The following PSPH variants were observed in gnomAD, a reference collection of about 807,000 sequenced individuals.
PSPH encodes the protein L-3-phosphoserine phosphatase.
PSPH carries 16 observed loss-of-function variants against 23.4 expected under a neutral mutation model. The observed-to-expected ratio is 0.68, with a 90% confidence interval of 0.46 to 1.04. The LOEUF is 1.04. Ranked by LOEUF, PSPH falls within the 50% of genes least tolerant of loss-of-function variation. The pLI, the probability that PSPH is intolerant of heterozygous loss-of-function variation, is 0.00. For missense variants in PSPH, 223 were observed against 273.7 expected (o/e 0.81, Z 1.31); for synonymous variants, 68 against 99.7 (o/e 0.68, Z 1.89).
At chr7:56,041,074 TTC>T (rs960353454) in intron 1 of PSPH, among the ~76,000 whole-genome samples, 1 of 152,082 alleles carries the variant, frequency 6.6e-6, no homozygotes, top group African/African-American at 2.4e-5. Context: ...GTCTCCAACA[TTC>T]TGTTTTGGCC....
chr7:56,036,578 G>A (rs1233242283), intron 1 of PSPH, among the ~76,000 whole-genome samples: 1 of 150,008 alleles, frequency 6.7e-6, no homozygotes, highest in Admixed American at 6.7e-5. Flanking sequence ...ACAGTGAGCC[G>A]TGATCATGCC....
In PSPH at chr7:56,051,340, G is replaced by T. The variant is rs575903610; in HGVS notation, c.-494C>A. 3 of 166,476 alleles carry T rather than the reference G, an allele frequency of 1.8e-5. No homozygotes were observed. Among genetic ancestry groups the T allele is most frequent in the South Asian group, 2.7e-4 (2 of 7,502 alleles). The allele number at this position is 166,476 out of a possible 1,614,324, so 10.3% of individuals were successfully genotyped here. A position where few individuals can be genotyped will look rare whatever the true frequency, so the allele number is the denominator to read the frequency against. ...TTGCATTCTATCTTCATCTTCGCTA[G>T]GCCTCACAGCACCGCATGATTCCGG... On this transcript the variant is annotated 5_prime_UTR_variant, in exon 1 of 8. Transcript: ENST00000275605.
chr7:56,048,795 CTTTT>C (rs548240200), intron 1 of PSPH, among the ~76,000 whole-genome samples: 2 of 130,956 alleles, frequency 1.5e-5, no homozygotes, highest in Non-Finnish European at 1.6e-5. Context: ...CCACACCTGG[CTTTT>C]TTTTTTTTTT....
chr7:56,031,165 T>C, intron 3 of PSPH, among the ~76,000 whole-genome samples: 1 of 147,428 alleles, frequency 6.8e-6, no homozygotes, highest in Non-Finnish European at 1.5e-5. Flanking sequence ...GAGCCGAGAT[T>C]CCGCCACTGC....
chr7:56,018,979 A>AT (rs957175087), intron 5 of PSPH, among the ~76,000 whole-genome samples: 5 of 148,812 alleles, frequency 3.4e-5, no homozygotes, highest in South Asian at 2.1e-4. Flanking sequence ...CTCAAAAAAA[A>AT]TTTTTTTTTA....
rs199744125 is a variant in PSPH at position 56,043,827 on chromosome 7, C to CA, written c.-292+7310dup. ...TGAGCAACAGAGCAAGACCCTGTCT[C>CA]AAAAAAACAAATGAATAAAGTTATG... is the stretch of plus-strand genomic sequence containing the variant. On this transcript the variant is annotated intron_variant, in intron 1 of 7. Transcript: ENST00000275605. 3.2e-4 allele frequency among the ~76,000 whole-genome samples: 48 copies of CA among 151,848 alleles called. 2 individuals carry two copies. Among genetic ancestry groups the CA allele is most frequent in the African/African-American group, 1.1e-3 (45 of 41,408 alleles).
At chr7:56,025,471 G>C (rs1584430348) in intron 3 of PSPH, among the ~76,000 whole-genome samples, 1 of 151,774 alleles carries the variant, frequency 6.6e-6, no homozygotes, top group Non-Finnish European at 1.5e-5. Flanking sequence ...TTGCCCAAGG[G>C]TGGTCTCAAA....
intron 1 of PSPH, among the ~76,000 whole-genome samples, chr7:56,035,591 C>G (rs1791619206): frequency 6.6e-6 from 1 of 152,042 alleles, no homozygotes. Flanking sequence ...CATCTCTACC[C>G]TTAGCTACAG....
At chr7:56,028,781 C>T (rs538008925) in intron 3 of PSPH, among the ~76,000 whole-genome samples, 9 of 151,936 alleles carry the variant, frequency 5.9e-5, no homozygotes, top group Non-Finnish European at 1.0e-4. Flanking sequence ...CAAAATGGTG[C>T]ACCTCCCTGT....
rs556827698 is a variant in PSPH, at chr7:56,013,453, G to A, written c.570+1570C>T. On this transcript the variant is annotated intron_variant, in intron 7 of 7. Transcript: ENST00000275605. Reference sequence around the variant, plus strand: ...AAGATCGCTTGGTCTGGGACGTTGAGGCTGCAATGAGCTGAGATTGCACCA... The same window carrying A: ...AAGATCGCTTGGTCTGGGACGTTGAAGCTGCAATGAGCTGAGATTGCACCA... Among the ~76,000 whole-genome samples, 8 of 152,214 alleles carry A rather than the reference G, an allele frequency of 5.3e-5. No homozygotes were observed. In the South Asian group the frequency reaches 1.4e-3, roughly 28 times the overall value.
intron 1 of PSPH, among the ~76,000 whole-genome samples, chr7:56,036,203 G>A (rs1299480983): frequency 2.6e-5 from 4 of 151,682 alleles, no homozygotes; most frequent in Admixed American, 2.6e-4. Context: ...CTCCAGCCTG[G>A]GCAACAGAGC....
chr7:56,039,148 C>CAAAA (rs34620559), intron 1 of PSPH, among the ~76,000 whole-genome samples: 1 of 56,638 alleles, frequency 1.8e-5, no homozygotes, highest in Non-Finnish European at 3.6e-5. Flanking sequence ...AACTCTGTCT[C>CAAAA]AAAAAAAAAA....
intron 1 of PSPH, among the ~76,000 whole-genome samples, chr7:56,039,117 C>T (rs1481309606): frequency 2.0e-5 from 3 of 150,036 alleles, no homozygotes; most frequent in Non-Finnish European, 4.4e-5. Context: ...CATTGCATAC[C>T]CGCCCGGGAA....
intron 3 of PSPH, among the ~76,000 whole-genome samples, chr7:56,029,324 G>A (rs1344599197): frequency 6.6e-6 from 1 of 151,918 alleles, no homozygotes; most frequent in African/African-American, 2.4e-5. Flanking sequence ...GGAGGGAGAG[G>A]GCAGGGCCAG....
At chr7:56,024,065 C>T (rs578066652) in intron 3 of PSPH, among the ~76,000 whole-genome samples, 127 of 152,134 alleles carry the variant, frequency 8.3e-4, no homozygotes, top group African/African-American at 2.9e-3. Context: ...GTAGCTGGGA[C>T]TACAGGTGCC....
At chr7:56,015,289 G>T (rs919946473) in intron 6 of PSPH, 118 bp from the exon 7 acceptor site, 10 of 1,164,586 alleles carry the variant, frequency 8.6e-6, no homozygotes, top group Non-Finnish European at 1.3e-5. Context: ...AATGGCCGTC[G>T]GTAAAGTCAC....
At chr7:56,028,627 C>A (rs572339285) in intron 3 of PSPH, among the ~76,000 whole-genome samples, 17 of 152,168 alleles carry the variant, frequency 1.1e-4, no homozygotes, top group African/African-American at 3.4e-4. Context: ...GATTTTAGGA[C>A]CTTAACTCTG....
chr7:56,029,126 CT>C (rs1346327060), intron 3 of PSPH, among the ~76,000 whole-genome samples: 9 of 152,186 alleles, frequency 5.9e-5, no homozygotes, highest in Middle Eastern at 3.4e-3. Context: ...ATTTCCTCCT[CT>C]TTTCATTGTC....
intron 3 of PSPH, among the ~76,000 whole-genome samples, chr7:56,025,431 T>C (rs1033107657): frequency 6.6e-6 from 1 of 151,990 alleles, no homozygotes; most frequent in Non-Finnish European, 1.5e-5. Context: ...TAATTTTTTG[T>C]ATTTTTAGTA....
Sources: allele counts gnomAD v4.1 joint callset (sites outside exome capture counted in the v4.1 genomes callset), GRCh38; gene constraint gnomAD v4.1.1; transcripts MANE v1.5; gene names NCBI Gene and HGNC (gene_info 2026-07-23, HGNC 2026-07-21).